Variants in CACNA1C observed in about 807,000 individuals in gnomAD.
CACNA1C encodes the protein calcium voltage-gated channel subunit alpha1 C, also known as voltage-dependent L-type calcium channel subunit alpha-1C.
In CACNA1C, 30 loss-of-function variants were observed where a neutral mutation model predicts 229.0. The observed-to-expected ratio is 0.13, with a 90% CI of 0.10 to 0.18. The LOEUF (loss-of-function observed/expected upper bound fraction) is 0.18. CACNA1C is among the 10% of genes least tolerant of loss of function. The pLI, the probability that CACNA1C is intolerant of heterozygous loss-of-function variation, is 1.00. For synonymous variants in CACNA1C, 1,114 were observed against 1,132.5 expected (o/e 0.98, Z 0.33); for missense variants, 1,658 against 2,845.0 (o/e 0.58, Z 9.49).
intron 1 of CACNA1C, among the ~76,000 whole-genome samples, chr12:2,006,612 CATA>C (rs2043516343): frequency 6.6e-6 from 1 of 152,118 alleles, no homozygotes; most frequent in Non-Finnish European, 1.5e-5. Context: ...CATACCCTCT[CATA>C]ATAATATGTT....
At chr12:2,519,638 C>T (rs1025671465) in intron 9 of CACNA1C, among the ~76,000 whole-genome samples, 15 of 152,148 alleles carry the variant, frequency 9.9e-5, no homozygotes, top group African/African-American at 3.4e-4. Flanking sequence ...TCTTAAGCAA[C>T]GAGATTTTGC....
chr12:2,148,393 C>T (rs2154208719), intron 3 of CACNA1C, among the ~76,000 whole-genome samples: 1 of 151,490 alleles, frequency 6.6e-6, no homozygotes, highest in East Asian at 1.9e-4. Context: ...ATCCCTGCTG[C>T]TCACATTTGT....
In CACNA1C at chr12:2,280,819, G is replaced by A. The variant is rs1001558023; in HGVS notation, c.477+160389G>A. On this transcript the variant is annotated intron_variant, in intron 3 of 46. Transcript: ENST00000399655. ...TGTTGTTTTCTGTTAGTCCCATGTA[G>A]CTTTGTTCCCTTTTCCCTCTTTTTC... 1.2e-4 allele frequency among the ~76,000 whole-genome samples: 19 copies of A among 152,122 alleles called. No individual in the cohort carries two copies. In the East Asian group the frequency reaches 1.3e-3, roughly 11 times the overall value.
At chr12:2,675,214 A>G (rs2096743333) in intron 39 of CACNA1C, among the ~76,000 whole-genome samples, 1 of 152,238 alleles carries the variant, frequency 6.6e-6, no homozygotes, top group Non-Finnish European at 1.5e-5. Context: ...TTTCCAAAAT[A>G]TTAATATAAT....
At position 2,280,849 on chromosome 12, in the gene CACNA1C, T is replaced by A. The variant is rs185840638; in HGVS notation, c.477+160419T>A. The stretch of plus-strand genomic sequence containing the variant: ...GTTCCCTTTTCCCTCTTTTTCTGCC[T>A]CCTTTTGGATTAACTGAGTATTTTT... On this transcript the variant is annotated intron_variant, in intron 3 of 46. Transcript: ENST00000399655. 9.3e-4 allele frequency among the ~76,000 whole-genome samples: 142 copies of A among 152,372 alleles called. 5 individuals carry two copies. Among genetic ancestry groups the A allele is most frequent in the Admixed American group, 9.1e-3 (139 of 15,300 alleles).
intron 1 of CACNA1C, among the ~76,000 whole-genome samples, chr12:2,018,791 C>G (rs1186831860): frequency 2.0e-5 from 3 of 152,154 alleles, no homozygotes; most frequent in Non-Finnish European, 4.4e-5. Context: ...GTACTGTGCT[C>G]AAAATTTACA....
intron 3 of CACNA1C, among the ~76,000 whole-genome samples, chr12:2,248,064 A>G (rs1011144411): frequency 2.6e-5 from 4 of 152,216 alleles, no homozygotes; most frequent in Non-Finnish European, 1.5e-5. Context: ...AGTTCTATGT[A>G]TATATGTGTG....
intron 3 of CACNA1C, among the ~76,000 whole-genome samples, chr12:2,445,686 A>G (rs534420571): frequency 6.6e-6 from 1 of 151,964 alleles, no homozygotes; most frequent in Non-Finnish European, 1.5e-5. Context: ...ACACCCCGCG[A>G]CCCATGGCTC....
chr12:2,398,147 C>T (rs1469248173), intron 3 of CACNA1C, among the ~76,000 whole-genome samples: 1 of 152,228 alleles, frequency 6.6e-6, no homozygotes, highest in Non-Finnish European at 1.5e-5. Context: ...CTTTAAATAT[C>T]AATGCACTCT....
At chr12:2,222,348 C>CCCAG (rs1418083638) in intron 3 of CACNA1C, 2 of 151,914 alleles carry the variant, frequency 1.3e-5, no homozygotes, top group Non-Finnish European at 2.9e-5. Context: ...GAGTTGGAGT[C>CCCAG]CCAGCTCAGC....
intron 29 of CACNA1C, among the ~76,000 whole-genome samples, chr12:2,620,120 C>A (rs553461232): frequency 2.6e-5 from 4 of 152,302 alleles, no homozygotes; most frequent in Non-Finnish European, 5.9e-5. Context: ...TTATCTCATT[C>A]AATCCATAAG....
intron 13 of CACNA1C, among the ~76,000 whole-genome samples, chr12:2,578,919 C>G (rs1345067448): frequency 6.6e-6 from 1 of 152,130 alleles, no homozygotes; most frequent in African/African-American, 2.4e-5. Context: ...AGTTTCCATG[C>G]TCCATCTCTG....
At chr12:2,084,940 T>C (rs2067025814) in intron 1 of CACNA1C, among the ~76,000 whole-genome samples, 1 of 152,202 alleles carries the variant, frequency 6.6e-6, no homozygotes, top group Non-Finnish European at 1.5e-5. Flanking sequence ...CTTGTTGAGG[T>C]CATTTTTATT....
chr12:2,102,523 A>G (rs2076814228), intron 1 of CACNA1C, among the ~76,000 whole-genome samples: 1 of 152,196 alleles, frequency 6.6e-6, no homozygotes, highest in Non-Finnish European at 1.5e-5. Flanking sequence ...CCCAGACATC[A>G]GCAACCTGAA....
At chr12:2,284,172 GC>G (rs2092187368) in intron 3 of CACNA1C, among the ~76,000 whole-genome samples, 1 of 152,192 alleles carries the variant, frequency 6.6e-6, no homozygotes, top group African/African-American at 2.4e-5. Flanking sequence ...TGAGTGAGGG[GC>G]CGATGTCTTT....
chr12:2,570,644 G>A (rs770717665), intron 13 of CACNA1C, among the ~76,000 whole-genome samples: 13 of 152,156 alleles, frequency 8.5e-5, no homozygotes, highest in East Asian at 1.9e-4. Flanking sequence ...GGCGTATGGC[G>A]TGAACTAAAT....
At chr12:2,498,813 G>A (rs193209643) in intron 7 of CACNA1C, among the ~76,000 whole-genome samples, 36 of 152,340 alleles carry the variant, frequency 2.4e-4, no homozygotes, top group African/African-American at 7.9e-4. Flanking sequence ...CTGGGTTTTA[G>A]GTTCTCTCAA....
In CACNA1C at chr12:2,062,460, C is replaced by G. The variant is rs531333746; in HGVS notation, c.49+8849C>G. 3.0e-4 allele frequency among the ~76,000 whole-genome samples: 46 copies of G among 152,322 alleles called. No homozygotes were observed. In the South Asian group the frequency reaches 9.5e-3, roughly 32 times the overall value. ...ACATTTGCTCTTTCTGTTACTTCTCCCCATGGAGAACAGTAGAAAGAGAAA... is the reference window on the plus strand; with the variant it reads ...ACATTTGCTCTTTCTGTTACTTCTCGCCATGGAGAACAGTAGAAAGAGAAA... On this transcript the variant is annotated intron_variant, in intron 1 of 46. Coordinates refer to ENST00000399655, the MANE Select transcript of CACNA1C (RefSeq NM_000719.7).
At position 2,608,808 on chromosome 12, in the gene CACNA1C, G is replaced by A. The variant is rs565020062; in HGVS notation, c.3558+96G>A. ...AGAGGGGCTGCGACAGGGAGAGGCC[G>A]TGCAGATACTGAGATCGTCTCTCTA... On this transcript the variant is annotated intron_variant, in intron 27 of 46. Transcript: ENST00000399655. This position sits in a 1 kb window ranked among gnomAD's most constrained non-coding sequence, Gnocchi z 4.2. 37 of 1,197,522 alleles carry A rather than the reference G, an allele frequency of 3.1e-5. No homozygotes were observed. The highest frequency in any genetic ancestry group is 1.8e-4 in the African/African-American group (12 of 66,308). 74.2% of individuals were successfully genotyped at this position (1,197,522 alleles called of 1,614,324 possible). A position where few individuals can be genotyped will look rare whatever the true frequency, so the allele number is the denominator to read the frequency against.
Sources: allele counts gnomAD v4.1 joint callset (sites outside exome capture counted in the v4.1 genomes callset), GRCh38; gene constraint gnomAD v4.1.1; non-coding constraint Gnocchi (gnomAD v3.1); transcripts MANE v1.5; gene names NCBI Gene and HGNC (gene_info 2026-07-23, HGNC 2026-07-21).